LINGO2: variants seen among roughly 807,000 people sequenced by gnomAD.
The protein encoded by LINGO2 is leucine-rich repeat and immunoglobulin-like domain-containing nogo receptor-interacting protein 2.
LINGO2 carries 14 observed loss-of-function variants against 30.6 expected under a neutral mutation model. The ratio of observed to expected loss-of-function variants is 0.46; its 90% CI spans 0.30 to 0.72. LINGO2 has a LOEUF of 0.72. Among genes scored for constraint, LINGO2 ranks in the 30% least tolerant of loss-of-function variants. The probability of loss-of-function intolerance (pLI) is 0.07; values close to 1 mark genes in which losing one functional copy is unlikely to be tolerated. For synonymous variants in LINGO2, 317 were observed against 288.5 expected (o/e 1.10, Z -1.00); for missense variants, 729 against 751.7 (o/e 0.97, Z 0.35).
chr9:28,830,958 C>T, the LINGO2 span, among the ~76,000 whole-genome samples: 665 of 152,332 alleles, frequency 4.4e-3, 9 homozygotes, highest in African/African-American at 0.015. Flanking sequence ...CCTAGCAGCC[C>T]TGGGCTAACA....
At chr9:28,740,530 T>G in the LINGO2 span, among the ~76,000 whole-genome samples, 1 of 151,610 alleles carries the variant, frequency 6.6e-6, no homozygotes, top group East Asian at 1.9e-4. Flanking sequence ...CTGATAGGGC[T>G]GGGTTAAAAT....
intron 5 of LINGO2, among the ~76,000 whole-genome samples, chr9:27,974,972 C>T (rs1393606772): frequency 2.6e-5 from 4 of 152,090 alleles, no homozygotes; most frequent in African/African-American, 9.7e-5. Flanking sequence ...ACTTATCAAA[C>T]CTGCCCCAGA....
chr9:28,019,330 T>TCC (rs1554659385), intron 4 of LINGO2, among the ~76,000 whole-genome samples: 17,252 of 150,388 alleles, frequency 0.11, 1,103 homozygotes, highest in South Asian at 0.21. Context: ...TTTTTTTTTT[T>TCC]CCATTCCTTA....
the LINGO2 span, among the ~76,000 whole-genome samples, chr9:28,679,335 T>G: frequency 1.3e-5 from 2 of 152,164 alleles, no homozygotes; most frequent in Admixed American, 1.3e-4. Flanking sequence ...TCCCACATGA[T>G]TTATCTTCTA....
At chr9:29,201,063 G>A in the LINGO2 span, among the ~76,000 whole-genome samples, 2 of 151,972 alleles carry the variant, frequency 1.3e-5, no homozygotes, top group Admixed American at 1.3e-4. Context: ...GGTCATGTTT[G>A]TCTGGTTTCT....
intron 4 of LINGO2, among the ~76,000 whole-genome samples, chr9:28,241,267 C>CAAAAAAAAA (rs1164724626): frequency 8.4e-5 from 7 of 83,594 alleles, no homozygotes; most frequent in African/African-American, 1.9e-4. Context: ...GACCCTGTCT[C>CAAAAAAAAA]AAAAAAAAAA....
At chr9:28,760,972 A>ACACACACACACC in the LINGO2 span, among the ~76,000 whole-genome samples, 10 of 150,918 alleles carry the variant, frequency 6.6e-5, no homozygotes, top group East Asian at 2.0e-4. Context: ...ACACACACAC[A>ACACACACACACC]CCCCACCACC....
At chr9:28,011,971 C>T (rs1019059129) in intron 5 of LINGO2, among the ~76,000 whole-genome samples, 3 of 150,676 alleles carry the variant, frequency 2.0e-5, no homozygotes, top group Admixed American at 1.3e-4. Flanking sequence ...TTGTGTGGGT[C>T]ACTCTTATAA....
chr9:28,356,992 T>C (rs755720615), intron 3 of LINGO2, among the ~76,000 whole-genome samples: 49 of 152,094 alleles, frequency 3.2e-4, no homozygotes, highest in Admixed American at 8.5e-4. Flanking sequence ...TATTAATTAT[T>C]TAAATATACA....
intron 4 of LINGO2, among the ~76,000 whole-genome samples, chr9:28,025,874 A>G (rs1384158101): frequency 6.6e-6 from 1 of 152,120 alleles, no homozygotes; most frequent in African/African-American, 2.4e-5. Flanking sequence ...AATATGGTCT[A>G]CACATGTAGT....
intron 4 of LINGO2, among the ~76,000 whole-genome samples, chr9:28,042,150 G>A (rs567711031): frequency 5.3e-5 from 8 of 152,212 alleles, no homozygotes; most frequent in South Asian, 4.2e-4. Flanking sequence ...TGTTAGTTCC[G>A]ATGAGTCAGG....
intron 1 of LINGO2, among the ~76,000 whole-genome samples, chr9:28,639,766 G>A (rs932573346): frequency 6.6e-6 from 1 of 152,170 alleles, no homozygotes; most frequent in Admixed American, 6.5e-5. Flanking sequence ...GGTCTTGACT[G>A]TTTATCCAAT....
chr9:28,367,790 C>T (rs993845964), intron 3 of LINGO2, among the ~76,000 whole-genome samples: 1 of 151,986 alleles, frequency 6.6e-6, no homozygotes, highest in South Asian at 2.1e-4. Flanking sequence ...TATTAGTTTG[C>T]AATTATTATT....
intron 5 of LINGO2, among the ~76,000 whole-genome samples, chr9:27,968,780 A>G (rs1038648644): frequency 2.0e-5 from 3 of 151,984 alleles, no homozygotes; most frequent in East Asian, 1.9e-4. Flanking sequence ...TTATAAAGTT[A>G]GGGCAAAGAT....
chr9:28,542,150 G>C (rs2135465826), intron 1 of LINGO2, among the ~76,000 whole-genome samples: 1 of 152,204 alleles, frequency 6.6e-6, no homozygotes, highest in East Asian at 1.9e-4. Flanking sequence ...CTCTGCAGTG[G>C]ATATTACCTT....
At chr9:28,017,633 C>T (rs1822904805) in intron 4 of LINGO2, among the ~76,000 whole-genome samples, 1 of 152,008 alleles carries the variant, frequency 6.6e-6, no homozygotes, top group Admixed American at 6.6e-5. Flanking sequence ...GAGTAAAATA[C>T]CTAGGAATAC....
At chr9:29,200,602 C>T in the LINGO2 span, among the ~76,000 whole-genome samples, 3 of 152,030 alleles carry the variant, frequency 2.0e-5, no homozygotes, top group South Asian at 2.1e-4. Flanking sequence ...TTCTTATCTA[C>T]GTTACACCCA....
chr9:28,433,691 G>A (rs1449411319), intron 2 of LINGO2, among the ~76,000 whole-genome samples: 2 of 151,978 alleles, frequency 1.3e-5, no homozygotes, highest in Non-Finnish European at 2.9e-5. Flanking sequence ...ATGTACATTA[G>A]TACAACCACT....
chr9:28,773,699 C>T, the LINGO2 span, among the ~76,000 whole-genome samples: 10,439 of 152,160 alleles, frequency 0.069, 1,185 homozygotes, highest in African/African-American at 0.23. Flanking sequence ...ATTTTGCTCT[C>T]AATGAAAACT....
Sources: gnomAD v4.1 joint callset for allele counts (sites outside exome capture counted in the v4.1 genomes callset) on GRCh38, gnomAD v4.1.1 for gene constraint, MANE v1.5 for transcripts, NCBI Gene and HGNC (gene_info 2026-07-23, HGNC 2026-07-21) for gene names.